Variants in RUFY4 observed in about 807,000 individuals in gnomAD.
RUFY4 encodes RUN and FYVE domain containing 4.
Under a neutral mutation model 69.0 loss-of-function variants are expected in RUFY4, and 73 were observed. The ratio of observed to expected loss-of-function variants is 1.06; its 90% CI spans 0.88 to 1.29. RUFY4 has a LOEUF of 1.29. Among genes scored for constraint, RUFY4 ranks in the 50% most tolerant of loss-of-function variants. The pLI, the probability that RUFY4 is intolerant of heterozygous loss-of-function variation, is 0.00. For synonymous variants in RUFY4, 287 were observed against 271.8 expected (o/e 1.06, Z -0.55); for missense variants, 770 against 705.6 (o/e 1.09, Z -1.03).
At chr2:218,082,833 T>C (rs943752318) in intron 8 of RUFY4, among the ~76,000 whole-genome samples, 1 of 135,436 alleles carries the variant, frequency 7.4e-6, no homozygotes, top group Non-Finnish European at 1.6e-5. Flanking sequence ...TGTGTACGTA[T>C]TGCATTATAT....
At chr2:218,064,478 C>T (rs150282618), upstream of RUFY4, among the ~76,000 whole-genome samples, 863 of 152,316 alleles carry the variant, frequency 5.7e-3, 15 homozygotes, top group African/African-American at 0.019. Flanking sequence ...CAATCCACAT[C>T]CTCCCTCGCT....
exon 11 of RUFY4, chr2:218,090,071 C>T: frequency 6.7e-7 from 1 of 1,493,726 alleles, no homozygotes; most frequent in South Asian, 1.2e-5. Context: ...CCAAGACCAG[C>T]CCATGACTGG....
intron 2 of RUFY4, among the ~76,000 whole-genome samples, chr2:218,046,957 G>T (rs920278917): frequency 5.4e-5 from 8 of 149,216 alleles, no homozygotes; most frequent in African/African-American, 2.0e-4. Flanking sequence ...TAAAACACTT[G>T]ATTAAATAGG....
intron 2 of RUFY4, among the ~76,000 whole-genome samples, chr2:218,057,010 C>G (rs1051351567): frequency 3.3e-5 from 5 of 151,804 alleles, no homozygotes; most frequent in African/African-American, 1.2e-4. Flanking sequence ...ACCCGGGAGG[C>G]CGAGGTTGCA....
intron 2 of RUFY4, among the ~76,000 whole-genome samples, chr2:218,053,249 T>C (rs1224676065): frequency 6.6e-6 from 1 of 152,178 alleles, no homozygotes; most frequent in East Asian, 1.9e-4. Context: ...GTTGGGCCCC[T>C]GGAAAGTCTC....
At chr2:218,037,788 A>G (rs1959001313) in intron 2 of RUFY4, among the ~76,000 whole-genome samples, 1 of 152,218 alleles carries the variant, frequency 6.6e-6, no homozygotes, top group Non-Finnish European at 1.5e-5. Context: ...ACAGAAGCAA[A>G]TCACTATATT....
rs191834081 is a variant in RUFY4, at chr2:218,053,665, G to C, written c.-1157-4930G>C. Among the ~76,000 whole-genome samples the C allele has an allele frequency of 7.9e-4, 120 of 152,190 alleles. 2 individuals carry two copies. Among genetic ancestry groups the C allele is most frequent in the Non-Finnish European group, 7.4e-5 (5 of 67,996 alleles). ...ACTGGGACTACAGGCGTCTGCCACC[G>C]CGCCCGGCTAATTTTTTTGTATTTT... is the stretch of plus-strand genomic sequence containing the variant. On this transcript the variant is annotated intron_variant and NMD_transcript_variant, in intron 2 of 13. Transcript: ENST00000457754.
rs1441575932 is a variant in RUFY4, at chr2:218,089,434, C to T, written c.1613+72C>T. 23 of 1,315,964 alleles carry T rather than the reference C, an allele frequency of 1.7e-5. No individual in the cohort carries two copies. The East Asian group carries it at 4.1e-4, about 23-fold the overall frequency. 81.5% of individuals were successfully genotyped at this position (1,315,964 alleles called of 1,614,324 possible). A position where few individuals can be genotyped will look rare whatever the true frequency, so the allele number is the denominator to read the frequency against. On this transcript the variant is annotated intron_variant, in intron 10 of 10. Transcript: ENST00000344321. Reference sequence around the variant, plus strand: ...CACCAGCTGACAGCCCCCACCCACCCCAGGGAAGGGAGGGACACAGGAACT... The same window carrying T: ...CACCAGCTGACAGCCCCCACCCACCTCAGGGAAGGGAGGGACACAGGAACT...
upstream of RUFY4, among the ~76,000 whole-genome samples, chr2:218,066,918 G>T (rs924458294): frequency 2.0e-5 from 3 of 152,168 alleles, no homozygotes; most frequent in African/African-American, 7.2e-5. Flanking sequence ...TTGCTTTAAT[G>T]GTAATTTCTA....
At chr2:218,069,975 G>C (rs183806832), upstream of RUFY4, among the ~76,000 whole-genome samples, 1 of 152,152 alleles carries the variant, frequency 6.6e-6, no homozygotes, top group Non-Finnish European at 1.5e-5. Flanking sequence ...CTCAGCCCCA[G>C]CCCTGGGGCC....
chr2:218,081,450 G>A lies in RUFY4; in HGVS notation c.1356-1660G>A, dbSNP rs138602391. Among the ~76,000 whole-genome samples, 824 of 152,270 alleles carry A rather than the reference G, an allele frequency of 5.4e-3. 7 individuals are homozygous for A. Among genetic ancestry groups the A allele is most frequent in the African/African-American group, 0.019 (780 of 41,544 alleles). Reference sequence around the variant, plus strand: ...TGGTCTCTGTCTTAGCCTCTCGTTTGTCTCTGTCATAGCACTTAGTTTAGT... The same window carrying A: ...TGGTCTCTGTCTTAGCCTCTCGTTTATCTCTGTCATAGCACTTAGTTTAGT... On this transcript the variant is annotated intron_variant, in intron 8 of 10. Transcript: ENST00000344321.
At position 218,073,115 on chromosome 2, in the gene RUFY4, G is replaced by A; in HGVS notation, c.387-128G>A. The A allele has an allele frequency of 2.4e-6, 3 of 1,265,558 alleles. No homozygotes were observed. The South Asian group carries it at 4.4e-5, about 19-fold the overall frequency. 78.4% of individuals were successfully genotyped at this position (1,265,558 alleles called of 1,614,324 possible). ...TCCTGAAGGGCCACAACTCTGCCTG[G>A]GGAACAGCCTCATGACGGTGTGTAG... is the stretch of plus-strand genomic sequence containing the variant. On this transcript the variant is annotated intron_variant, in intron 4 of 10. Coordinates refer to ENST00000344321, the Ensembl canonical transcript of RUFY4.
chr2:218,045,814 T>G (rs1303280601), intron 2 of RUFY4, among the ~76,000 whole-genome samples: 2 of 152,084 alleles, frequency 1.3e-5, no homozygotes, highest in Non-Finnish European at 2.9e-5. Flanking sequence ...AGTGATTTTT[T>G]TTTTTTTTGA....
upstream of RUFY4, among the ~76,000 whole-genome samples, chr2:218,068,347 A>G (rs1689399820): frequency 6.6e-6 from 1 of 152,106 alleles, no homozygotes; most frequent in East Asian, 1.9e-4. Context: ...GGCAAGAAAG[A>G]GACCAAGGGT....
At chr2:218,062,281 C>G (rs1689215105) in intron 3 of RUFY4, among the ~76,000 whole-genome samples, 1 of 152,076 alleles carries the variant, frequency 6.6e-6, no homozygotes, top group African/African-American at 2.4e-5. Flanking sequence ...TGGCGGGCAC[C>G]TGTAGTCCCA....
exon 7 of RUFY4, chr2:218,075,197 G>T: frequency 6.4e-7 from 1 of 1,558,542 alleles, no homozygotes. Context: ...AGCTGGCAGG[G>T]CTTCCCAGGT....
chr2:218,067,488 G>T (rs1177647680), upstream of RUFY4, among the ~76,000 whole-genome samples: 1 of 152,214 alleles, frequency 6.6e-6, no homozygotes, highest in Non-Finnish European at 1.5e-5. Flanking sequence ...TGAGGGCCCA[G>T]GTGATGGGTG....
intron 2 of RUFY4, among the ~76,000 whole-genome samples, chr2:218,055,884 G>A (rs1376069258): frequency 6.6e-6 from 1 of 152,064 alleles, no homozygotes; most frequent in Non-Finnish European, 1.5e-5. Context: ...ATGGTAATAC[G>A]ACTCCTACCC....
intron 9 of RUFY4, among the ~76,000 whole-genome samples, chr2:218,088,856 T>C (rs554047988): frequency 6.6e-6 from 1 of 152,196 alleles, no homozygotes; most frequent in Admixed American, 6.5e-5. Context: ...TCTGTGTCTC[T>C]TTCTCTGTGT....
Sources: gnomAD v4.1 joint callset for allele counts (sites outside exome capture counted in the v4.1 genomes callset) on GRCh38, gnomAD v4.1.1 for gene constraint, MANE v1.5 for transcripts, NCBI Gene and HGNC (gene_info 2026-07-23, HGNC 2026-07-21) for gene names.